B4GALT6: variants seen among roughly 807,000 people sequenced by gnomAD.
B4GALT6 encodes beta-1,4-galactosyltransferase 6.
A neutral mutation model predicts 46.3 loss-of-function variants in B4GALT6; 14 were observed. The ratio of observed to expected loss-of-function variants is 0.30; its 90% CI spans 0.20 to 0.47. The LOEUF (loss-of-function observed/expected upper bound fraction) is 0.47, where lower values mean the gene tolerates loss of function less well. Among genes scored for constraint, B4GALT6 ranks in the 20% least tolerant of loss-of-function variants. The pLI is 0.99. For missense variants in B4GALT6, 386 were observed against 480.1 expected (o/e 0.80, Z 1.83); for synonymous variants, 168 against 162.0 (o/e 1.04, Z -0.28).
At chr18:31,638,351 C>G (rs1238441833) in intron 5 of B4GALT6, among the ~76,000 whole-genome samples, 1 of 151,980 alleles carries the variant, frequency 6.6e-6, no homozygotes, top group African/African-American at 2.4e-5. Flanking sequence ...CACGGTGAAA[C>G]CCTGTATCTA....
chr18:31,625,535 A>C lies in B4GALT6; in HGVS notation c.*79T>G. The C allele has an allele frequency of 6.6e-7, 1 of 1,518,748 alleles. No individual in the cohort carries two copies. The highest frequency in any genetic ancestry group is 9.1e-7 in the Non-Finnish European group (1 of 1,103,970). 94.1% of individuals were successfully genotyped at this position (1,518,748 alleles called of 1,614,324 possible). ...AGAAAAGGGCACTGTGACACAGCCA[A>C]TCACTGACCTCCACTAAGAGCGCGC... On this transcript the variant is annotated 3_prime_UTR_variant, in exon 9 of 9. Transcript: ENST00000306851.
chr18:31,707,914 C>T, the B4GALT6 span, among the ~76,000 whole-genome samples: 1 of 152,096 alleles, frequency 6.6e-6, no homozygotes, highest in Non-Finnish European at 1.5e-5. Context: ...TAAATGAAAT[C>T]ATCTTAAATC....
the B4GALT6 span, among the ~76,000 whole-genome samples, chr18:31,719,373 C>G: frequency 1.3e-5 from 2 of 152,112 alleles, no homozygotes. Flanking sequence ...GCAACCTGCT[C>G]CAGACCAAAT....
Position 31,630,253 on chromosome 18 carries a change from C to T in B4GALT6, c.776+706G>A, listed in dbSNP as rs192564013. ...GTGACACAGGCAACATCTTCCTGCC[C>T]TAAGCAACAAACAGATTTTCTCTCT... On this transcript the variant is annotated intron_variant, in intron 6 of 8. Coordinates refer to ENST00000306851, the MANE Select transcript of B4GALT6 (RefSeq NM_004775.5). 5.3e-3 allele frequency among the ~76,000 whole-genome samples: 812 copies of T among 152,152 alleles called. 9 individuals carry two copies. The highest frequency in any genetic ancestry group is 0.019 in the African/African-American group (779 of 41,434).
At chr18:31,634,729 T>C (rs2073836627) in intron 5 of B4GALT6, among the ~76,000 whole-genome samples, 1 of 152,208 alleles carries the variant, frequency 6.6e-6, no homozygotes, top group Non-Finnish European at 1.5e-5. Flanking sequence ...CCTGGGTACC[T>C]GTCTAGCAGA....
upstream of B4GALT6, chr18:31,686,082 A>C (rs2029911129): frequency 6.6e-6 from 1 of 152,216 alleles, no homozygotes; most frequent in Non-Finnish European, 1.5e-5. Context: ...CCTTCGTTCA[A>C]ATGTTTCTTC....
intron 1 of B4GALT6, among the ~76,000 whole-genome samples, chr18:31,681,529 T>C (rs1263961537): frequency 6.6e-6 from 1 of 152,238 alleles, no homozygotes; most frequent in Non-Finnish European, 1.5e-5. Context: ...TTGAAAATAA[T>C]GAGCTTTGAG....
the B4GALT6 span, among the ~76,000 whole-genome samples, chr18:31,715,742 T>C: frequency 1.3e-5 from 2 of 151,520 alleles, no homozygotes; most frequent in African/African-American, 4.9e-5. Context: ...TAGAAAACAG[T>C]TTCACCATGT....
intron 1 of B4GALT6, among the ~76,000 whole-genome samples, chr18:31,683,362 A>AT (rs772824678): frequency 3.3e-5 from 5 of 152,182 alleles, no homozygotes; most frequent in Admixed American, 6.5e-5. Flanking sequence ...GTGTAAGGAG[A>AT]AATGAGAGGA....
At chr18:31,638,147 T>C (rs775711829) in intron 5 of B4GALT6, among the ~76,000 whole-genome samples, 15 of 152,212 alleles carry the variant, frequency 9.9e-5, no homozygotes, top group Non-Finnish European at 2.1e-4. Flanking sequence ...TGAAACATGA[T>C]TGCTGATTAA....
chr18:31,685,298 G>A (rs1397946094), upstream of B4GALT6, among the ~76,000 whole-genome samples: 3 of 113,552 alleles, frequency 2.6e-5, no homozygotes, highest in Non-Finnish European at 6.7e-5. Flanking sequence ...CGGGCGACGC[G>A]CGCTGCGGGC....
At chr18:31,627,225 T>C (rs965222389) in intron 6 of B4GALT6, 104 bp from the exon 7 acceptor site, 15 of 885,192 alleles carry the variant, frequency 1.7e-5, no homozygotes, top group Non-Finnish European at 2.3e-5. Flanking sequence ...TGCCCTTATA[T>C]TCTATATAGA....
chr18:31,708,598 TA>T, the B4GALT6 span, among the ~76,000 whole-genome samples: 1 of 151,744 alleles, frequency 6.6e-6, no homozygotes, highest in Non-Finnish European at 1.5e-5. Flanking sequence ...AAATTAAAAT[TA>T]AAAAAACCAC....
chr18:31,635,892 TTTGTCTATCA>T (rs1262025967), intron 5 of B4GALT6, among the ~76,000 whole-genome samples: 1 of 152,210 alleles, frequency 6.6e-6, no homozygotes, highest in Non-Finnish European at 1.5e-5. Flanking sequence ...GCCAGGTAAC[TTTGTCTATCA>T]TTTATACTGT....
intron 2 of B4GALT6, among the ~76,000 whole-genome samples, chr18:31,665,210 A>C (rs2074268869): frequency 6.6e-6 from 1 of 152,232 alleles, no homozygotes. Flanking sequence ...TAACTGTTCA[A>C]AATGAGACCA....
intron 2 of B4GALT6, among the ~76,000 whole-genome samples, chr18:31,659,777 G>C (rs1228416255): frequency 6.6e-6 from 1 of 152,020 alleles, no homozygotes; most frequent in Non-Finnish European, 1.5e-5. Flanking sequence ...CAAATAACAA[G>C]GGGAGGAGAA....
At chr18:31,683,192 C>T (rs966849220) in intron 1 of B4GALT6, among the ~76,000 whole-genome samples, 1 of 152,132 alleles carries the variant, frequency 6.6e-6, no homozygotes, top group Non-Finnish European at 1.5e-5. Context: ...ATTAGGTTTC[C>T]ATCTTCCTTC....
At chr18:31,632,451 T>G (rs2073802941) in intron 5 of B4GALT6, among the ~76,000 whole-genome samples, 1 of 152,198 alleles carries the variant, frequency 6.6e-6, no homozygotes, top group African/African-American at 2.4e-5. Flanking sequence ...AATAAGAAGT[T>G]CCATATCTAA....
chr18:31,696,375 C>A, the B4GALT6 span, among the ~76,000 whole-genome samples: 6 of 152,310 alleles, frequency 3.9e-5, 1 homozygote, highest in South Asian at 1.2e-3. Context: ...AGGAGGCCCT[C>A]CATTCCATTT....
Sources: allele counts gnomAD v4.1 joint callset (sites outside exome capture counted in the v4.1 genomes callset), GRCh38; gene constraint gnomAD v4.1.1; transcripts MANE v1.5; gene names NCBI Gene and HGNC (gene_info 2026-07-23, HGNC 2026-07-21).